SPECC1: variants seen among roughly 807,000 people sequenced by gnomAD.
The protein encoded by SPECC1 is cytospin-B.
Under a neutral mutation model 104.1 loss-of-function variants are expected in SPECC1, and 62 were observed. The ratio of observed to expected loss-of-function variants is 0.60; its 90% CI spans 0.49 to 0.74. The LOEUF is 0.74. Among genes scored for constraint, SPECC1 ranks in the 30% least tolerant of loss-of-function variants. The pLI is 0.00. For missense variants in SPECC1, 1,306 were observed against 1,310.5 expected (o/e 1.00, Z 0.05); for synonymous variants, 513 against 501.6 (o/e 1.02, Z -0.30).
At chr17:20,115,771 T>C (rs1368898077) in intron 3 of SPECC1, among the ~76,000 whole-genome samples, 1 of 152,182 alleles carries the variant, frequency 6.6e-6, no homozygotes, top group Non-Finnish European at 1.5e-5. Flanking sequence ...ACTTCTTTAA[T>C]GATGTGTATG....
At chr17:20,188,265 T>TTC (rs904315509) in intron 3 of SPECC1, among the ~76,000 whole-genome samples, 10 of 152,066 alleles carry the variant, frequency 6.6e-5, no homozygotes, top group African/African-American at 2.2e-4. Context: ...CCTTTTTTTT[T>TTC]TTTCTTTTTT....
At chr17:20,034,723 A>G (rs2044990712) in intron 1 of SPECC1, among the ~76,000 whole-genome samples, 2 of 150,330 alleles carry the variant, frequency 1.3e-5, no homozygotes, top group African/African-American at 4.9e-5. Flanking sequence ...CTCATGCCTC[A>G]GCCTCCCAAG....
chr17:20,210,948 T>G (rs1362512263), intron 4 of SPECC1, among the ~76,000 whole-genome samples: 1 of 152,158 alleles, frequency 6.6e-6, no homozygotes, highest in Non-Finnish European at 1.5e-5. Flanking sequence ...CATTACCTGG[T>G]CCCTCCTGAA....
chr17:20,027,261 A>C (rs899406066), intron 1 of SPECC1, among the ~76,000 whole-genome samples: 1 of 152,148 alleles, frequency 6.6e-6, no homozygotes, highest in African/African-American at 2.4e-5. Flanking sequence ...TTTTGCCCAT[A>C]TAAAAACCAG....
intron 1 of SPECC1, among the ~76,000 whole-genome samples, chr17:20,063,927 C>G (rs1269227453): frequency 3.3e-5 from 5 of 152,192 alleles, no homozygotes. Flanking sequence ...ATAAAACAAT[C>G]ACTTAGAGGT....
chr17:20,066,189 A>G (rs1199773786), intron 1 of SPECC1, among the ~76,000 whole-genome samples: 1 of 152,160 alleles, frequency 6.6e-6, no homozygotes, highest in Non-Finnish European at 1.5e-5. Context: ...GAATCATTAG[A>G]GTCTCCTAGG....
intron 1 of SPECC1, among the ~76,000 whole-genome samples, chr17:20,041,269 C>A (rs999776586): frequency 6.6e-6 from 1 of 152,022 alleles, no homozygotes; most frequent in African/African-American, 2.4e-5. Context: ...GAGTTTTGCT[C>A]TTGTTGCCCA....
chr17:20,163,768 C>T (rs1306364900), intron 3 of SPECC1, among the ~76,000 whole-genome samples: 1 of 152,074 alleles, frequency 6.6e-6, no homozygotes, highest in Non-Finnish European at 1.5e-5. Context: ...GCTATATTGC[C>T]CTGGCTGGTC....
At chr17:20,069,434 A>G (rs1475390736) in intron 1 of SPECC1, among the ~76,000 whole-genome samples, 6 of 152,150 alleles carry the variant, frequency 3.9e-5, no homozygotes, top group Non-Finnish European at 7.3e-5. Context: ...ACTGTCTAAT[A>G]TAGTCATGAA....
chr17:20,174,071 A>G (rs955212982), intron 3 of SPECC1, among the ~76,000 whole-genome samples: 1 of 152,054 alleles, frequency 6.6e-6, no homozygotes. Flanking sequence ...AGCTGGGATT[A>G]CAGGCATGTG....
At chr17:20,049,961 G>A (rs1045246386) in intron 1 of SPECC1, among the ~76,000 whole-genome samples, 15 of 152,190 alleles carry the variant, frequency 9.9e-5, no homozygotes, top group African/African-American at 3.6e-4. Flanking sequence ...GGGATTACAG[G>A]CATGTGCCAC....
intron 13 of SPECC1, among the ~76,000 whole-genome samples, chr17:20,301,703 T>C (rs2041589842): frequency 6.6e-6 from 1 of 152,120 alleles, no homozygotes; most frequent in South Asian, 2.1e-4. Flanking sequence ...TTTGTCATTT[T>C]GTTGTTGTTG....
intron 14 of SPECC1, among the ~76,000 whole-genome samples, chr17:20,309,240 A>G (rs2041860552): frequency 6.6e-6 from 1 of 152,222 alleles, no homozygotes; most frequent in African/African-American, 2.4e-5. Flanking sequence ...TACACATGAC[A>G]CTTTAAAACT....
chr17:20,076,225 A>T (rs1252287577), intron 1 of SPECC1, among the ~76,000 whole-genome samples: 1 of 152,230 alleles, frequency 6.6e-6, no homozygotes, highest in Non-Finnish European at 1.5e-5. Context: ...TTTGAGACAG[A>T]GTCTCACTCT....
intron 4 of SPECC1, among the ~76,000 whole-genome samples, chr17:20,206,875 T>C (rs371966673): frequency 5.2e-5 from 8 of 152,386 alleles, no homozygotes; most frequent in East Asian, 3.9e-4. Context: ...TACATTGTTA[T>C]ATCATTTAAA....
Position 20,155,904 on chromosome 17 carries a change from G to C in SPECC1, c.283+45342G>C, listed in dbSNP as rs369357234. The stretch of plus-strand genomic sequence containing the variant: ...TGGGCGGACAGTATGCAGATGACGG[G>C]GGCGGGCCGCGCCTGGCGGGCGGTG... On this transcript the variant is annotated intron_variant, in intron 3 of 14. Transcript: ENST00000395527. 223 of 1,194,164 alleles carry C rather than the reference G, an allele frequency of 1.9e-4. No homozygotes were observed. The African/African-American group carries it at 2.4e-3, about 13-fold the overall frequency. 74.0% of individuals were successfully genotyped at this position (1,194,164 alleles called of 1,614,324 possible).
chr17:20,021,840 C>G (rs541156594), intron 1 of SPECC1, among the ~76,000 whole-genome samples: 1 of 145,460 alleles, frequency 6.9e-6, no homozygotes, highest in East Asian at 2.1e-4. Flanking sequence ...CCGGCCATCC[C>G]AAGGCCCTGA....
intron 3 of SPECC1, among the ~76,000 whole-genome samples, chr17:20,154,504 C>T (rs995332209): frequency 2.0e-5 from 3 of 152,044 alleles, no homozygotes; most frequent in African/African-American, 7.3e-5. Flanking sequence ...GTGAGGAGGC[C>T]GGTGTAGCAA....
intron 3 of SPECC1, among the ~76,000 whole-genome samples, chr17:20,118,349 T>A (rs1326883103): frequency 6.6e-6 from 1 of 152,202 alleles, no homozygotes; most frequent in Non-Finnish European, 1.5e-5. Flanking sequence ...TGGAAAAGGA[T>A]GCCAACATGT....
Sources: allele counts gnomAD v4.1 joint callset (sites outside exome capture counted in the v4.1 genomes callset), GRCh38; gene constraint gnomAD v4.1.1; transcripts MANE v1.5; gene names NCBI Gene and HGNC (gene_info 2026-07-23, HGNC 2026-07-21).